Variants in B3GALT1 observed in about 807,000 individuals in gnomAD.
B3GALT1 encodes the protein beta-1,3-galactosyltransferase 1.
Under a neutral mutation model 23.2 loss-of-function variants are expected in B3GALT1, and 10 were observed. The observed-to-expected ratio is 0.43, with a 90% confidence interval of 0.27 to 0.73. The LOEUF (loss-of-function observed/expected upper bound fraction) is 0.73. Among genes scored for constraint, B3GALT1 ranks in the 30% least tolerant of loss-of-function variants. The pLI is 0.21. For synonymous variants in B3GALT1, 156 were observed against 141.5 expected (o/e 1.10, Z -0.73); for missense variants, 299 against 405.4 (o/e 0.74, Z 2.25).
chr2:167,847,783 C>CA lies in B3GALT1; in HGVS notation c.-229-21022dup, dbSNP rs1249197970. 2.6e-5 allele frequency among the ~76,000 whole-genome samples: 4 copies of CA among 151,776 alleles called. No individual in the cohort carries two copies. The East Asian group carries it at 5.8e-4, about 22-fold the overall frequency. ...AATTGAAACAAACAAACAAAAAATACAAAAAATAAATGAAACAAAAAGCTG... is the reference window on the plus strand; with the variant it reads ...AATTGAAACAAACAAACAAAAAATACAAAAAAATAAATGAAACAAAAAGCTG... On this transcript the variant is annotated intron_variant, in intron 4 of 4. Coordinates refer to ENST00000392690, the MANE Select transcript of B3GALT1 (RefSeq NM_020981.4).
At chr2:167,558,632 G>A (rs1683900297) in intron 2 of B3GALT1, among the ~76,000 whole-genome samples, 1 of 152,210 alleles carries the variant, frequency 6.6e-6, no homozygotes, top group African/African-American at 2.4e-5. Flanking sequence ...ACGGGCTTAG[G>A]AAATGGCGCA....
chr2:167,826,726 T>A (rs1054262004), intron 4 of B3GALT1, among the ~76,000 whole-genome samples: 3 of 152,134 alleles, frequency 2.0e-5, no homozygotes, highest in Non-Finnish European at 4.4e-5. Flanking sequence ...GGATTGAAAA[T>A]GTTTGTAAAA....
At chr2:167,329,816 T>C (rs1289813509) in intron 1 of B3GALT1, among the ~76,000 whole-genome samples, 1 of 152,160 alleles carries the variant, frequency 6.6e-6, no homozygotes, top group African/African-American at 2.4e-5. Flanking sequence ...TGTTTTGTTT[T>C]TTTTTTTCCT....
At chr2:167,827,653 C>T (rs565723292) in intron 4 of B3GALT1, among the ~76,000 whole-genome samples, 1 of 152,280 alleles carries the variant, frequency 6.6e-6, no homozygotes, top group Non-Finnish European at 1.5e-5. Context: ...TTTCTGATGG[C>T]GTGTTTGCAT....
chr2:167,803,105 CACACACACACACACA>C (rs1688671231), intron 3 of B3GALT1, among the ~76,000 whole-genome samples: 1 of 151,132 alleles, frequency 6.6e-6, no homozygotes, highest in African/African-American at 2.5e-5. Context: ...CACACACACA[CACACACACACACACA>C]CCCCTTGGTT....
chr2:167,356,669 T>C (rs1053456009), intron 1 of B3GALT1, among the ~76,000 whole-genome samples: 3 of 152,090 alleles, frequency 2.0e-5, no homozygotes, highest in Admixed American at 1.3e-4. Flanking sequence ...CTTTAGACTT[T>C]TCTAAAAGAT....
intron 3 of B3GALT1, among the ~76,000 whole-genome samples, chr2:167,811,731 G>T (rs929465154): frequency 2.0e-5 from 3 of 152,200 alleles, no homozygotes; most frequent in African/African-American, 7.2e-5. Flanking sequence ...GGCTGCTGCA[G>T]CTTCCCTGTT....
chr2:167,444,422 G>A (rs1385654145), intron 1 of B3GALT1, among the ~76,000 whole-genome samples: 2 of 152,150 alleles, frequency 1.3e-5, no homozygotes, highest in African/African-American at 4.8e-5. Flanking sequence ...CTATCGATTA[G>A]AATAGTTTCA....
At chr2:167,616,651 C>T (rs143142282) in intron 2 of B3GALT1, among the ~76,000 whole-genome samples, 77 of 152,080 alleles carry the variant, frequency 5.1e-4, no homozygotes, top group African/African-American at 1.7e-3. Flanking sequence ...GCCGAGATCA[C>T]GCCATTACAC....
intron 1 of B3GALT1, among the ~76,000 whole-genome samples, chr2:167,302,562 CATCTTT>C (rs1696468041): frequency 6.6e-6 from 1 of 152,052 alleles, no homozygotes; most frequent in South Asian, 2.1e-4. Context: ...TTGCTTTTCA[CATCTTT>C]ATCTTAATGT....
intron 1 of B3GALT1, among the ~76,000 whole-genome samples, chr2:167,445,405 A>AT (rs1284784065): frequency 2.0e-5 from 3 of 152,146 alleles, no homozygotes; most frequent in Non-Finnish European, 2.9e-5. Flanking sequence ...GCTGAGTTAA[A>AT]TTCCTGGATA....
intron 1 of B3GALT1, among the ~76,000 whole-genome samples, chr2:167,466,602 A>G (rs2105328465): frequency 7.2e-6 from 1 of 139,704 alleles, no homozygotes; most frequent in Admixed American, 7.3e-5. Flanking sequence ...CCTGGGTGAC[A>G]GAGCAAGACT....
intron 1 of B3GALT1, among the ~76,000 whole-genome samples, chr2:167,326,170 C>T (rs1696889734): frequency 6.7e-6 from 1 of 150,154 alleles, no homozygotes; most frequent in Non-Finnish European, 1.5e-5. Context: ...TTGCATTTAC[C>T]TGATGATTAG....
At chr2:167,850,292 A>G (rs1385167308) in intron 4 of B3GALT1, among the ~76,000 whole-genome samples, 1 of 152,208 alleles carries the variant, frequency 6.6e-6, no homozygotes, top group Non-Finnish European at 1.5e-5. Context: ...CATATGAAAA[A>G]ATGCTCAACA....
intron 1 of B3GALT1, among the ~76,000 whole-genome samples, chr2:167,452,777 G>T (rs1699109164): frequency 6.6e-6 from 1 of 152,154 alleles, no homozygotes; most frequent in South Asian, 2.1e-4. Context: ...TGATCAGGAG[G>T]AAATGATATA....
At chr2:167,713,304 T>C (rs992940211) in intron 3 of B3GALT1, among the ~76,000 whole-genome samples, 1 of 152,214 alleles carries the variant, frequency 6.6e-6, no homozygotes, top group Non-Finnish European at 1.5e-5. Context: ...GGAAGGAAGA[T>C]CTGTTTGAAC....
intron 2 of B3GALT1, among the ~76,000 whole-genome samples, chr2:167,522,137 T>A (rs1196107680): frequency 6.6e-6 from 1 of 151,798 alleles, no homozygotes; most frequent in African/African-American, 2.4e-5. Context: ...ATGTGACCTC[T>A]GCCATAAGGC....
intron 1 of B3GALT1, among the ~76,000 whole-genome samples, chr2:167,338,812 A>C (rs1161323592): frequency 6.6e-6 from 1 of 152,078 alleles, no homozygotes; most frequent in Non-Finnish European, 1.5e-5. Context: ...TAAAAGAAAA[A>C]CCATGAAGAG....
chr2:167,490,916 A>G (rs752892446), intron 2 of B3GALT1, among the ~76,000 whole-genome samples: 17 of 152,216 alleles, frequency 1.1e-4, no homozygotes, highest in Non-Finnish European at 2.2e-4. Flanking sequence ...ATCTTGTGTC[A>G]AGAAACTTGA....
Sources: gnomAD v4.1 joint callset for allele counts (sites outside exome capture counted in the v4.1 genomes callset) on GRCh38, gnomAD v4.1.1 for gene constraint, MANE v1.5 for transcripts, NCBI Gene and HGNC (gene_info 2026-07-23, HGNC 2026-07-21) for gene names.